The following CDKAL1 variants were observed in gnomAD, a reference collection of about 807,000 sequenced individuals.
CDKAL1 encodes the protein threonylcarbamoyladenosine tRNA methylthiotransferase.
In CDKAL1, 32 loss-of-function variants were observed where a neutral mutation model predicts 68.2. The observed-to-expected ratio is 0.47, with a 90% CI of 0.35 to 0.63. The LOEUF is 0.63. CDKAL1 is among the 30% of genes least tolerant of loss of function. CDKAL1 has a pLI of 0.00. For synonymous variants in CDKAL1, 234 were observed against 244.3 expected, an observed-to-expected ratio of 0.96 and a Z score of 0.39; for missense variants, 606 against 696.7, an observed-to-expected ratio of 0.87 and a Z score of 1.47.
chr6:20,830,565 T>G (rs1052698080), intron 8 of CDKAL1, among the ~76,000 whole-genome samples: 26 of 152,138 alleles, frequency 1.7e-4, no homozygotes, highest in African/African-American at 6.0e-4. Flanking sequence ...TCTAAAGTAA[T>G]AAGACCACAG....
chr6:21,204,332 G>A, intron 15 of CDKAL1, among the ~76,000 whole-genome samples: 1 of 152,140 alleles, frequency 6.6e-6, no homozygotes, highest in East Asian at 1.9e-4. Context: ...TATGCCATCT[G>A]TGTTCTTATC....
At chr6:21,147,071 G>A (rs1412360384) in intron 13 of CDKAL1, among the ~76,000 whole-genome samples, 1 of 152,104 alleles carries the variant, frequency 6.6e-6, no homozygotes. Context: ...CACAGGCAGG[G>A]GATTGACTGG....
At chr6:21,025,532 G>A (rs1391781981) in intron 11 of CDKAL1, among the ~76,000 whole-genome samples, 1 of 151,906 alleles carries the variant, frequency 6.6e-6, no homozygotes, top group Admixed American at 6.6e-5. Flanking sequence ...TTTCTGTTTG[G>A]AGGCATGTAG....
intron 4 of CDKAL1, among the ~76,000 whole-genome samples, chr6:20,633,523 G>A (rs779113799): frequency 1.3e-5 from 2 of 152,052 alleles, no homozygotes; most frequent in Admixed American, 6.5e-5. Flanking sequence ...ATGTGAACAC[G>A]TTTTCATTTT....
chr6:20,670,056 T>C (rs1769737567), intron 5 of CDKAL1, among the ~76,000 whole-genome samples: 1 of 152,208 alleles, frequency 6.6e-6, no homozygotes, highest in African/African-American at 2.4e-5. Flanking sequence ...TTCTTATAAG[T>C]AACTCTGCTC....
At chr6:21,167,245 C>A (rs1298040133) in intron 13 of CDKAL1, among the ~76,000 whole-genome samples, 3 of 152,066 alleles carry the variant, frequency 2.0e-5, no homozygotes, top group Non-Finnish European at 4.4e-5. Context: ...AGTAGTAATG[C>A]CATTAGATTT....
intron 9 of CDKAL1, among the ~76,000 whole-genome samples, chr6:20,848,939 T>C (rs1758848739): frequency 6.6e-6 from 1 of 151,982 alleles, no homozygotes; most frequent in Non-Finnish European, 1.5e-5. Flanking sequence ...ACTATAGCCA[T>C]GCGCTACCAA....
chr6:20,704,870 A>G lies in CDKAL1; in HGVS notation c.372-34649A>G, dbSNP rs151335728. On this transcript the variant is annotated intron_variant, in intron 5 of 15. Coordinates refer to ENST00000274695, the MANE Select transcript of CDKAL1 (RefSeq NM_017774.3). The stretch of plus-strand genomic sequence containing the variant: ...GTTGAATTTATGGTGTGCCAATACC[A>G]TTATAGGGTGGTCATCTGGTTAATT... Among the ~76,000 whole-genome samples the G allele has an allele frequency of 5.3e-5, 8 of 152,330 alleles. No homozygotes were observed. The East Asian group carries it at 1.5e-3, about 29-fold the overall frequency.
chr6:20,596,662 G>A (rs1765839635), intron 4 of CDKAL1, among the ~76,000 whole-genome samples: 1 of 152,202 alleles, frequency 6.6e-6, no homozygotes, highest in South Asian at 2.1e-4. Context: ...CCCTTTCCAG[G>A]AGAGTGAATG....
At chr6:20,750,004 C>A (rs2150338073) in intron 6 of CDKAL1, among the ~76,000 whole-genome samples, 1 of 152,204 alleles carries the variant, frequency 6.6e-6, no homozygotes. Context: ...CCACACCTGG[C>A]CCCAGATTTT....
intron 8 of CDKAL1, among the ~76,000 whole-genome samples, 158 bp downstream of exon 8, chr6:20,781,423 T>C (rs549447863): frequency 6.6e-6 from 1 of 152,342 alleles, no homozygotes; most frequent in Admixed American, 6.5e-5. Flanking sequence ...AAATGTTTCC[T>C]GTATGTAAAC....
chr6:21,105,390 G>A (rs979460689), intron 12 of CDKAL1, among the ~76,000 whole-genome samples: 2 of 152,168 alleles, frequency 1.3e-5, no homozygotes, highest in Non-Finnish European at 2.9e-5. Context: ...ATCTGTAGGA[G>A]AGGACTTTTC....
intron 5 of CDKAL1, among the ~76,000 whole-genome samples, chr6:20,681,936 A>G (rs1183422482): frequency 6.6e-6 from 1 of 152,178 alleles, no homozygotes; most frequent in Admixed American, 6.5e-5. Context: ...ACGCCAGCAG[A>G]TTTGATGTCT....
intron 12 of CDKAL1, among the ~76,000 whole-genome samples, chr6:21,070,061 A>T (rs1771687816): frequency 6.6e-6 from 1 of 152,052 alleles, no homozygotes. Flanking sequence ...AAGTGCTGGG[A>T]TTACAGGCAT....
At chr6:20,716,301 T>C (rs1772089028) in intron 5 of CDKAL1, among the ~76,000 whole-genome samples, 1 of 152,216 alleles carries the variant, frequency 6.6e-6, no homozygotes, top group Admixed American at 6.5e-5. Flanking sequence ...TTTTATATAA[T>C]ATGGTCAGGG....
chr6:20,551,827 C>T (rs1763844131), intron 4 of CDKAL1, among the ~76,000 whole-genome samples: 1 of 151,798 alleles, frequency 6.6e-6, no homozygotes, highest in African/African-American at 2.4e-5. Flanking sequence ...ATAATTTAGC[C>T]TGGGCTTGCC....
At chr6:20,631,561 A>T (rs1411048435) in intron 4 of CDKAL1, among the ~76,000 whole-genome samples, 2 of 152,174 alleles carry the variant, frequency 1.3e-5, no homozygotes, top group East Asian at 3.9e-4. Flanking sequence ...CCACTTGAGC[A>T]TCTATTTCCC....
At chr6:20,636,625 A>G (rs1348757613) in intron 4 of CDKAL1, among the ~76,000 whole-genome samples, 3 of 152,326 alleles carry the variant, frequency 2.0e-5, no homozygotes, top group South Asian at 2.1e-4. Context: ...TCTAGTACAC[A>G]GAAGAGAAGG....
At position 21,072,554 on chromosome 6, in the gene CDKAL1, C is replaced by CAAAAAAAAAAAAAAAA. The variant is rs71540611; in HGVS notation, c.1236+7337_1236+7352dup. On this transcript the variant is annotated intron_variant, in intron 12 of 15. Transcript: ENST00000274695. ...TGGGCGACTGAGCGAGACTCCGTCTCAAAAAAAAAAAAAAAAAAAAAAAAA... is the reference window on the plus strand; with the variant it reads ...TGGGCGACTGAGCGAGACTCCGTCTCAAAAAAAAAAAAAAAAAAAAAAAAAAAAAAAAAAAAAAAAA... Among the ~76,000 whole-genome samples, 6 of 44,484 alleles carry CAAAAAAAAAAAAAAAA rather than the reference C, an allele frequency of 1.3e-4. 1 individual carries two copies. Among genetic ancestry groups the CAAAAAAAAAAAAAAAA allele is most frequent in the African/African-American group, 2.5e-4 (3 of 11,788 alleles). The allele number at this position is 44,484 out of a possible 152,430, so 29.2% of individuals were successfully genotyped here.
Sources: gnomAD v4.1 joint callset for allele counts (sites outside exome capture counted in the v4.1 genomes callset) on GRCh38, gnomAD v4.1.1 for gene constraint, MANE v1.5 for transcripts, NCBI Gene and HGNC (gene_info 2026-07-23, HGNC 2026-07-21) for gene names.